Variants in IKBKB-DT observed in about 807,000 individuals in gnomAD.
IKBKB-DT encodes the protein IKBKB antisense RNA.
chr8:42,259,828 A>G (rs1307064638), intron 3 of IKBKB-DT, among the ~76,000 whole-genome samples: 1 of 152,050 alleles, frequency 6.6e-6, no homozygotes, highest in African/African-American at 2.4e-5. Context: ...CGAAAATACA[A>G]AAAATTAGCC....
chr8:42,263,856 G>A (rs555911278), intron 2 of IKBKB-DT, among the ~76,000 whole-genome samples: 1 of 152,338 alleles, frequency 6.6e-6, no homozygotes, highest in South Asian at 2.1e-4. Context: ...CTGTTGCCCA[G>A]GCCGGAGTGC....
chr8:42,238,810 C>A (rs1249226611), intron 3 of IKBKB-DT, among the ~76,000 whole-genome samples: 1 of 152,168 alleles, frequency 6.6e-6, no homozygotes, highest in Non-Finnish European at 1.5e-5. Flanking sequence ...CTTTTTCACA[C>A]CCCTGTGATT....
chr8:42,246,401 C>G (rs774860328), intron 3 of IKBKB-DT, among the ~76,000 whole-genome samples: 2 of 152,212 alleles, frequency 1.3e-5, no homozygotes, highest in Non-Finnish European at 1.5e-5. Context: ...GTGACTTTGT[C>G]AGAGTTTCAC....
chr8:42,259,897 G>A (rs1229803040), intron 3 of IKBKB-DT, among the ~76,000 whole-genome samples: 1 of 150,950 alleles, frequency 6.6e-6, no homozygotes, highest in Non-Finnish European at 1.5e-5. Flanking sequence ...CAGGAGAATT[G>A]CTTGAACCCC....
At chr8:42,251,487 G>A (rs1031059467) in intron 3 of IKBKB-DT, among the ~76,000 whole-genome samples, 15 of 152,210 alleles carry the variant, frequency 9.9e-5, no homozygotes, top group African/African-American at 2.2e-4. Flanking sequence ...GAGCTGGAAC[G>A]TGCCTGTGAG....
chr8:42,261,091 T>TG (rs1807282281), intron 3 of IKBKB-DT, among the ~76,000 whole-genome samples: 1 of 152,150 alleles, frequency 6.6e-6, no homozygotes, highest in Admixed American at 6.5e-5. Context: ...TTTGGGAGGC[T>TG]GGGGCAGGTA....
intron 3 of IKBKB-DT, among the ~76,000 whole-genome samples, chr8:42,257,372 C>T (rs551339215): frequency 6.6e-5 from 10 of 151,824 alleles, no homozygotes; most frequent in East Asian, 1.9e-4. Flanking sequence ...TGTGGTGGCA[C>T]GCGCCTGTAG....
At chr8:42,257,048 TA>T (rs1287485884) in intron 3 of IKBKB-DT, among the ~76,000 whole-genome samples, 1 of 152,214 alleles carries the variant, frequency 6.6e-6, no homozygotes, top group Non-Finnish European at 1.5e-5. Context: ...TTTAAGATAA[TA>T]ACTAGAATTA....
At chr8:42,235,478 T>C (rs908361332) in intron 3 of IKBKB-DT, among the ~76,000 whole-genome samples, 10 of 152,188 alleles carry the variant, frequency 6.6e-5, no homozygotes, top group African/African-American at 2.4e-4. Context: ...TTGCTGAGAT[T>C]ACAGGCATGA....
intron 3 of IKBKB-DT, among the ~76,000 whole-genome samples, chr8:42,244,071 T>C (rs1284626871): frequency 6.6e-6 from 1 of 152,232 alleles, no homozygotes; most frequent in Admixed American, 6.5e-5. Flanking sequence ...TAACTGTTTC[T>C]GGAAACTAAG....
At chr8:42,234,676 C>CAG (rs1441128620) in intron 3 of IKBKB-DT, among the ~76,000 whole-genome samples, 1 of 152,098 alleles carries the variant, frequency 6.6e-6, no homozygotes, top group African/African-American at 2.4e-5. Flanking sequence ...GTCACCCAGG[C>CAG]TGGAGTGCAG....
intron 3 of IKBKB-DT, among the ~76,000 whole-genome samples, chr8:42,254,271 A>T (rs965209031): frequency 6.6e-6 from 1 of 152,232 alleles, no homozygotes; most frequent in Non-Finnish European, 1.5e-5. Context: ...CTCCATTTCT[A>T]CCAAAGATAG....
At chr8:42,241,089 C>T (rs1806995569) in intron 3 of IKBKB-DT, among the ~76,000 whole-genome samples, 1 of 152,126 alleles carries the variant, frequency 6.6e-6, no homozygotes, top group South Asian at 2.1e-4. Flanking sequence ...TGTTCTGTAT[C>T]ATTTTTGCCA....
intron 3 of IKBKB-DT, among the ~76,000 whole-genome samples, chr8:42,239,650 A>ATTTAT (rs1806975548): frequency 9.0e-6 from 1 of 110,762 alleles, no homozygotes; most frequent in Non-Finnish European, 1.8e-5. Context: ...TTATTTATTC[A>ATTTAT]TTTTTTTTTT....
At chr8:42,239,614 T>TTATATATGTATATA (rs1806972378) in intron 3 of IKBKB-DT, among the ~76,000 whole-genome samples, 1 of 19,910 alleles carries the variant, frequency 5.0e-5, no homozygotes. Context: ...AAAAGGCAAT[T>TTATATATGTATATA]TATATATATA....
chr8:42,258,715 G>A (rs1167028543), intron 3 of IKBKB-DT, among the ~76,000 whole-genome samples: 3 of 152,158 alleles, frequency 2.0e-5, no homozygotes, highest in Middle Eastern at 3.4e-3. Flanking sequence ...TGATCCGCCC[G>A]CCTCGGCCTC....
intron 3 of IKBKB-DT, among the ~76,000 whole-genome samples, chr8:42,262,415 C>T (rs954397471): frequency 4.8e-4 from 66 of 138,476 alleles, no homozygotes; most frequent in African/African-American, 1.9e-3. Flanking sequence ...GGAGAGCTAA[C>T]TACCACATTC....
chr8:42,246,227 T>C (rs2129911482), intron 3 of IKBKB-DT, among the ~76,000 whole-genome samples: 1 of 152,216 alleles, frequency 6.6e-6, no homozygotes, highest in Admixed American at 6.5e-5. Flanking sequence ...AGGGTCTCAC[T>C]ATGTTGTCCA....
chr8:42,260,850 C>A (rs1257648066), intron 3 of IKBKB-DT, among the ~76,000 whole-genome samples: 1 of 152,012 alleles, frequency 6.6e-6, no homozygotes, highest in Non-Finnish European at 1.5e-5. Flanking sequence ...CCTCTTAGGA[C>A]TTAAAACCAA....
Sources: allele counts gnomAD v4.1 joint callset (sites outside exome capture counted in the v4.1 genomes callset), GRCh38; gene constraint gnomAD v4.1.1; transcripts MANE v1.5; gene names NCBI Gene and HGNC (gene_info 2026-07-23, HGNC 2026-07-21).